Variants in IMMP2L observed in about 807,000 individuals in gnomAD.
IMMP2L encodes inner mitochondrial membrane peptidase subunit 2.
Under a neutral mutation model 19.3 loss-of-function variants are expected in IMMP2L, and 18 were observed. That is an observed-to-expected ratio of 0.93 (90% CI 0.64 to 1.38). IMMP2L has a LOEUF of 1.38. IMMP2L is among the 40% of genes most tolerant of loss of function. The pLI, the probability that IMMP2L is intolerant of heterozygous loss-of-function variation, is 0.00. For missense variants in IMMP2L, 233 were observed against 218.2 expected (o/e 1.07, Z -0.43); for synonymous variants, 76 against 73.0 (o/e 1.04, Z -0.21).
chr7:111,187,876 C>A (rs1242900270), intron 3 of IMMP2L, among the ~76,000 whole-genome samples: 2 of 152,014 alleles, frequency 1.3e-5, no homozygotes, highest in Non-Finnish European at 2.9e-5. Flanking sequence ...GAATCTGAGG[C>A]CTTAAGTACG....
chr7:111,549,323 T>C (rs1585644561), intron 1 of IMMP2L, among the ~76,000 whole-genome samples: 1 of 152,138 alleles, frequency 6.6e-6, no homozygotes, highest in Non-Finnish European at 1.5e-5. Context: ...AAATAACCCA[T>C]GAAGTATGTG....
chr7:111,085,421 T>C (rs775760592), intron 3 of IMMP2L, among the ~76,000 whole-genome samples: 1 of 152,172 alleles, frequency 6.6e-6, no homozygotes, highest in Non-Finnish European at 1.5e-5. Flanking sequence ...AGCTAGTTGA[T>C]TAGGATATTT....
intron 3 of IMMP2L, among the ~76,000 whole-genome samples, chr7:111,444,507 T>C (rs1001801087): frequency 5.3e-5 from 8 of 152,160 alleles, no homozygotes; most frequent in Non-Finnish European, 8.8e-5. Flanking sequence ...GATTTAATAT[T>C]TATAGTGATT....
chr7:111,049,300 T>C (rs934302676), intron 3 of IMMP2L, among the ~76,000 whole-genome samples: 2 of 151,712 alleles, frequency 1.3e-5, no homozygotes, highest in African/African-American at 4.8e-5. Flanking sequence ...CCGGCTAATT[T>C]TTTTGTATTT....
intron 3 of IMMP2L, among the ~76,000 whole-genome samples, chr7:111,324,363 G>T (rs1222284936): frequency 1.3e-5 from 2 of 151,792 alleles, no homozygotes; most frequent in East Asian, 3.9e-4. Flanking sequence ...TGAAACATAG[G>T]TAAAATAAAA....
intron 5 of IMMP2L, among the ~76,000 whole-genome samples, chr7:110,764,363 T>G: frequency 6.6e-6 from 1 of 152,076 alleles, no homozygotes; most frequent in East Asian, 1.9e-4. Flanking sequence ...GATTTTCAAG[T>G]TTTTAAATTC....
chr7:110,766,570 G>A (rs1798677616), intron 5 of IMMP2L, among the ~76,000 whole-genome samples: 1 of 128,414 alleles, frequency 7.8e-6, no homozygotes, highest in South Asian at 2.7e-4. Context: ...GTGACAGTGT[G>A]AGACTTCATT....
intron 3 of IMMP2L, among the ~76,000 whole-genome samples, chr7:111,422,802 C>G (rs1232489892): frequency 2.6e-5 from 4 of 151,834 alleles, no homozygotes; most frequent in Admixed American, 1.3e-4. Context: ...TGTCGGTTTT[C>G]AAAGGGAATG....
intron 3 of IMMP2L, chr7:111,125,057 C>A: frequency 1.7e-6 from 1 of 574,294 alleles, no homozygotes; most frequent in Non-Finnish European, 3.0e-6. Flanking sequence ...CTGCTCCTGA[C>A]CAATGGAAAT....
At chr7:110,756,328 G>A (rs1226279077) in intron 5 of IMMP2L, among the ~76,000 whole-genome samples, 3 of 152,060 alleles carry the variant, frequency 2.0e-5, no homozygotes. Flanking sequence ...AGCAGAAATA[G>A]GCTAGTGGCT....
chr7:110,706,370 C>T (rs963473297), intron 5 of IMMP2L, among the ~76,000 whole-genome samples: 3 of 152,178 alleles, frequency 2.0e-5, no homozygotes, highest in African/African-American at 7.2e-5. Context: ...TCCCAAAGTG[C>T]TGGGATTACA....
chr7:110,810,244 A>T (rs1433506110), intron 5 of IMMP2L, among the ~76,000 whole-genome samples: 2 of 152,246 alleles, frequency 1.3e-5, no homozygotes, highest in East Asian at 3.9e-4. Context: ...GCTAAAAAGG[A>T]CTATAAGAGA....
intron 3 of IMMP2L, among the ~76,000 whole-genome samples, chr7:111,000,515 T>C (rs1230309786): frequency 6.6e-6 from 1 of 152,104 alleles, no homozygotes; most frequent in Non-Finnish European, 1.5e-5. Flanking sequence ...TCATATAGCA[T>C]TTATAACTTA....
intron 1 of IMMP2L, among the ~76,000 whole-genome samples, chr7:111,540,395 A>T (rs1321306030): frequency 1.3e-5 from 2 of 152,214 alleles, no homozygotes; most frequent in African/African-American, 4.8e-5. Context: ...CTTCACTGGA[A>T]GTCAGGGAAA....
In IMMP2L at chr7:110,926,649, C is replaced by A. The variant is rs1368824919; in HGVS notation, c.305+36851G>T. Among the ~76,000 whole-genome samples the A allele has an allele frequency of 2.0e-5, 3 of 152,128 alleles. No homozygotes were observed. The East Asian group carries it at 5.8e-4, about 29-fold the overall frequency. Reference sequence around the variant, plus strand: ...AGTTTTTGCTTATATTCTTTTTAGTCCATTTGAAACCTGTATACTTGGAAT... The same window carrying A: ...AGTTTTTGCTTATATTCTTTTTAGTACATTTGAAACCTGTATACTTGGAAT... On this transcript the variant is annotated intron_variant, in intron 4 of 5. Transcript: ENST00000405709.
chr7:111,102,947 T>C (rs745764731), intron 3 of IMMP2L, among the ~76,000 whole-genome samples: 8 of 151,508 alleles, frequency 5.3e-5, no homozygotes, highest in Non-Finnish European at 8.9e-5. Flanking sequence ...GACCATATAG[T>C]ATAGGACAAT....
chr7:111,064,574 C>T (rs1247530740), intron 3 of IMMP2L, among the ~76,000 whole-genome samples: 3 of 152,066 alleles, frequency 2.0e-5, no homozygotes, highest in Admixed American at 1.3e-4. Context: ...ACCATCATCC[C>T]TAGTGATCCA....
At chr7:110,714,902 C>T (rs1324719481) in intron 5 of IMMP2L, among the ~76,000 whole-genome samples, 1 of 152,018 alleles carries the variant, frequency 6.6e-6, no homozygotes, top group African/African-American at 2.4e-5. Flanking sequence ...GCCTCTGGGG[C>T]TTTTTTTAAT....
chr7:111,383,846 T>A (rs7798071), intron 3 of IMMP2L, among the ~76,000 whole-genome samples: 1 of 152,238 alleles, frequency 6.6e-6, no homozygotes, highest in Non-Finnish European at 1.5e-5. Context: ...TTCAAGCCCA[T>A]GAATATTCAG....
Sources: allele counts gnomAD v4.1 joint callset (sites outside exome capture counted in the v4.1 genomes callset), GRCh38; gene constraint gnomAD v4.1.1; transcripts MANE v1.5; gene names NCBI Gene and HGNC (gene_info 2026-07-23, HGNC 2026-07-21).